The following TRIM2 variants were observed in gnomAD, a reference collection of about 807,000 sequenced individuals.
The protein encoded by TRIM2 is tripartite motif containing 2, also known as tripartite motif-containing protein 2.
A neutral mutation model predicts 75.2 loss-of-function variants in TRIM2; 20 were observed. The ratio of observed to expected loss-of-function variants is 0.27; its 90% CI spans 0.19 to 0.39. TRIM2 has a LOEUF of 0.39. Among genes scored for constraint, TRIM2 ranks in the 10% least tolerant of loss-of-function variants. The probability of loss-of-function intolerance (pLI) is 1.00; values close to 1 mark genes in which losing one functional copy is unlikely to be tolerated. For missense variants in TRIM2, 660 were observed against 990.8 expected, an observed-to-expected ratio of 0.67 and a Z score of 4.48; for synonymous variants, 373 against 388.3, an observed-to-expected ratio of 0.96 and a Z score of 0.46.
intron 3 of TRIM2, among the ~76,000 whole-genome samples, chr4:153,291,437 T>G (rs1178542884): frequency 1.3e-5 from 2 of 152,194 alleles, no homozygotes; most frequent in Non-Finnish European, 2.9e-5. Context: ...TTCCTGGGCT[T>G]AGGAATTTAA....
At chr4:153,329,366 T>G (rs180737988) in intron 11 of TRIM2, among the ~76,000 whole-genome samples, 13 of 151,926 alleles carry the variant, frequency 8.6e-5, no homozygotes, top group Middle Eastern at 3.4e-3. Context: ...TGAATGAAAA[T>G]GCAAATAGAA....
Position 153,335,124 on chromosome 4 carries a change from G to A in TRIM2, c.*158G>A, listed in dbSNP as rs558446823. The A allele has an allele frequency of 3.3e-4, 426 of 1,292,322 alleles. 6 individuals are homozygous for A. In the South Asian group the frequency reaches 0.011, roughly 34 times the overall value. 80.1% of individuals were successfully genotyped at this position (1,292,322 alleles called of 1,614,324 possible). ...TGAATGTAACAATTTCCTTAAAAATGACTTATCCAATTTCTGTATTTCACC... is the reference window on the plus strand; with the variant it reads ...TGAATGTAACAATTTCCTTAAAAATAACTTATCCAATTTCTGTATTTCACC... On this transcript the variant is annotated 3_prime_UTR_variant, in exon 12 of 12. Coordinates refer to ENST00000338700, the MANE Select transcript of TRIM2 (RefSeq NM_015271.5).
At chr4:153,169,333 C>T (rs1049478549) in intron 1 of TRIM2, among the ~76,000 whole-genome samples, 6 of 152,300 alleles carry the variant, frequency 3.9e-5, no homozygotes, top group South Asian at 2.1e-4. Context: ...AAAACTTAGA[C>T]TCCCACACCA....
chr4:153,322,682 A>G lies in TRIM2; in HGVS notation c.1817A>G (p.Lys606Arg). ...GGATCAGGAAAGCTGATGGGACCCA[A>G]AGGAGTTTCTGTGGACCGCAATGGG... ...KIGSGKLMGP[K>R]GVSVDRNGHI... The change falls in exon 9 of 12, where the codon AAA (lysine) becomes AGA (arginine). Residue 606 changes from lysine to arginine, a missense_variant. By Grantham distance (26) the Lys-to-Arg change is conservative. Coordinates refer to ENST00000338700, the MANE Select transcript of TRIM2 (RefSeq NM_015271.5). 1.2e-6 allele frequency: 2 copies of G among 1,614,098 alleles called. No homozygotes were observed. Among genetic ancestry groups the G allele is most frequent in the East Asian group, 2.2e-5 (1 of 44,884 alleles).
intron 11 of TRIM2, among the ~76,000 whole-genome samples, chr4:153,332,481 C>T (rs970522090): frequency 6.6e-6 from 1 of 152,072 alleles, no homozygotes; most frequent in African/African-American, 2.4e-5. Flanking sequence ...TGCGTCTCTA[C>T]TAAAAATACA....
intron 1 of TRIM2, among the ~76,000 whole-genome samples, chr4:153,184,236 G>T (rs1439114736): frequency 6.6e-6 from 1 of 152,106 alleles, no homozygotes; most frequent in African/African-American, 2.4e-5. Context: ...GCTGGAAGTC[G>T]AAGGTCAGGG....
intron 3 of TRIM2, among the ~76,000 whole-genome samples, chr4:153,278,178 T>C (rs887106269): frequency 2.6e-5 from 4 of 152,190 alleles, no homozygotes; most frequent in African/African-American, 9.6e-5. Flanking sequence ...CGATCATGGC[T>C]CACTGAAGCC....
chr4:153,174,672 T>A (rs1349607117), intron 1 of TRIM2, among the ~76,000 whole-genome samples: 4 of 152,116 alleles, frequency 2.6e-5, no homozygotes, highest in Non-Finnish European at 5.9e-5. Context: ...GTTTAAAAAA[T>A]TATGTTTCTC....
intron 1 of TRIM2, among the ~76,000 whole-genome samples, chr4:153,214,073 GACC>G (rs1482848299): frequency 6.6e-6 from 1 of 152,070 alleles, no homozygotes; most frequent in Non-Finnish European, 1.5e-5. Context: ...CAATATCTGT[GACC>G]ACACCTCTGA....
At chr4:153,308,030 C>A (rs988429866) in intron 6 of TRIM2, 13 of 773,882 alleles carry the variant, frequency 1.7e-5, no homozygotes, top group Middle Eastern at 2.3e-4. Context: ...TAACCTCTTT[C>A]TTGATGCTCT....
chr4:153,275,202 A>G (rs1276807861), intron 2 of TRIM2, among the ~76,000 whole-genome samples: 1 of 152,204 alleles, frequency 6.6e-6, no homozygotes, highest in Admixed American at 6.5e-5. Flanking sequence ...TCATAGGCTC[A>G]TTGGAAGTAC....
intron 1 of TRIM2, among the ~76,000 whole-genome samples, chr4:153,163,118 C>A (rs1242450803): frequency 1.3e-5 from 2 of 152,216 alleles, no homozygotes; most frequent in African/African-American, 4.8e-5. Flanking sequence ...TCAGTGGTTA[C>A]TGTAAATATC....
At chr4:153,165,622 G>A (rs116207932) in intron 1 of TRIM2, among the ~76,000 whole-genome samples, 1,559 of 152,142 alleles carry the variant, frequency 0.01, 26 homozygotes, top group African/African-American at 0.034. Flanking sequence ...ATTCTACCCC[G>A]ACGCTTCTTA....
intron 3 of TRIM2, among the ~76,000 whole-genome samples, chr4:153,287,775 C>A (rs1760985079): frequency 6.6e-6 from 1 of 152,158 alleles, no homozygotes; most frequent in South Asian, 2.1e-4. Context: ...CTGTTTTATG[C>A]AGTTTTATTT....
chr4:153,193,867 GGA>G, intron 1 of TRIM2, among the ~76,000 whole-genome samples: 1 of 152,254 alleles, frequency 6.6e-6, no homozygotes, highest in Non-Finnish European at 1.5e-5. Context: ...TCCAAGTGTG[GGA>G]GAGACGAACT....
chr4:153,263,274 A>G (rs560896453), intron 1 of TRIM2, among the ~76,000 whole-genome samples: 15 of 152,144 alleles, frequency 9.9e-5, no homozygotes, highest in African/African-American at 3.4e-4. Flanking sequence ...GGTTGCAGTG[A>G]GCTGTGAGCA....
intron 1 of TRIM2, among the ~76,000 whole-genome samples, chr4:153,166,980 T>A (rs750799127): frequency 3.9e-5 from 6 of 152,238 alleles, no homozygotes; most frequent in Non-Finnish European, 8.8e-5. Flanking sequence ...TTCAGCATTT[T>A]ACTTAACCAC....
intron 6 of TRIM2, among the ~76,000 whole-genome samples, chr4:153,305,383 CTAG>C (rs1764757544): frequency 2.0e-5 from 3 of 152,112 alleles, no homozygotes; most frequent in Non-Finnish European, 4.4e-5. Flanking sequence ...GTAGGTAGTA[CTAG>C]TTAGCATATT....
intron 10 of TRIM2, among the ~76,000 whole-genome samples, chr4:153,324,863 TTTTTA>T (rs1381536530): frequency 6.6e-6 from 1 of 152,236 alleles, no homozygotes; most frequent in African/African-American, 2.4e-5. Flanking sequence ...CTGGTGGATA[TTTTTA>T]TTTTAAGTTA....
Sources: gnomAD v4.1 joint callset for allele counts (sites outside exome capture counted in the v4.1 genomes callset) on GRCh38, gnomAD v4.1.1 for gene constraint, MANE v1.5 for transcripts, NCBI Gene and HGNC (gene_info 2026-07-23, HGNC 2026-07-21) for gene names.